Variants in LRBA observed in about 807,000 individuals in gnomAD.
LRBA encodes the protein lipopolysaccharide-responsive and beige-like anchor protein.
LRBA carries 176 observed loss-of-function variants against 330.0 expected under a neutral mutation model. That is an observed-to-expected ratio of 0.53 (90% CI 0.47 to 0.60). The LOEUF (loss-of-function observed/expected upper bound fraction) is 0.60. Ranked by LOEUF, LRBA falls within the 20% of genes least tolerant of loss-of-function variation. The pLI, the probability that LRBA is intolerant of heterozygous loss-of-function variation, is 0.00. For missense variants in LRBA, 3,259 were observed against 3,444.8 expected (o/e 0.95, Z 1.35); for synonymous variants, 1,230 against 1,193.0 (o/e 1.03, Z -0.64).
chr4:151,008,952 AGAG>A (rs1744445625), intron 2 of LRBA, among the ~76,000 whole-genome samples: 4 of 115,866 alleles, frequency 3.5e-5, no homozygotes, highest in African/African-American at 1.3e-4. Flanking sequence ...CCTGGGTGGC[AGAG>A]TGAGACTCCA....
In LRBA at chr4:150,590,843, G is replaced by T. The variant is rs1352123555; in HGVS notation, c.6063C>A (p.Ile2021=). 1 of 1,613,814 alleles carries T rather than the reference G, an allele frequency of 6.2e-7. No individual in the cohort carries two copies. Among genetic ancestry groups the T allele is most frequent in the South Asian group, 1.1e-5 (1 of 91,030 alleles). Residue 2021 remains isoleucine, a synonymous_variant, in exon 39 of 57, where the codon ATC becomes ATA. Coordinates refer to ENST00000651943, the MANE Select transcript of LRBA (RefSeq NM_001364905.1). ...TGATGGACTGTTTTCCTTTAGCAAG[G>T]ATATCTTCATCTGTGGCTGAAATGA... ...TAVEHATDED[I]LAKGKQSIRS...
intron 47 of LRBA, among the ~76,000 whole-genome samples, chr4:150,403,945 T>C (rs759561074): frequency 2.7e-4 from 41 of 152,182 alleles, no homozygotes; most frequent in Non-Finnish European, 2.1e-4. Context: ...GGTAGGAGAA[T>C]TGCTTGAACC....
intron 8 of LRBA, among the ~76,000 whole-genome samples, chr4:150,915,004 T>G (rs568987011): frequency 2.2e-4 from 33 of 152,204 alleles, no homozygotes; most frequent in South Asian, 8.3e-4. Flanking sequence ...CAAACCTAAG[T>G]CTGTCTGATT....
At chr4:150,870,633 T>G in intron 19 of LRBA, 27 bp from the exon 20 acceptor site, 2 of 1,059,962 alleles carry the variant, frequency 1.9e-6, no homozygotes, top group East Asian at 2.4e-5. Flanking sequence ...ATGGATTACA[T>G]TAGCAAATCA....
intron 33 of LRBA, among the ~76,000 whole-genome samples, chr4:150,805,852 A>G (rs1742713945): frequency 6.6e-6 from 1 of 152,148 alleles, no homozygotes; most frequent in Non-Finnish European, 1.5e-5. Context: ...CGTAAGCAGT[A>G]TAGAGTAAAA....
chr4:150,660,995 A>G (rs1267021526), intron 37 of LRBA, among the ~76,000 whole-genome samples: 1 of 116,272 alleles, frequency 8.6e-6, no homozygotes, highest in Non-Finnish European at 1.7e-5. Flanking sequence ...TTATCTGCTG[A>G]CCTTCCCTCC....
intron 26 of LRBA, among the ~76,000 whole-genome samples, chr4:150,846,236 AAATGGAG>A: frequency 6.6e-6 from 1 of 152,232 alleles, no homozygotes; most frequent in East Asian, 1.9e-4. Flanking sequence ...TAATGATTGA[AAATGGAG>A]ACTCAGGCCA....
At chr4:150,310,538 T>A (rs1008292484) in intron 51 of LRBA, 154 bp from the exon 52 acceptor site, 1 of 515,504 alleles carries the variant, frequency 1.9e-6, no homozygotes, top group Non-Finnish European at 3.4e-6. Flanking sequence ...ACATATCCAA[T>A]TGCTGGAAAA....
chr4:150,900,628 G>A (rs1434079062), intron 13 of LRBA, among the ~76,000 whole-genome samples: 1 of 151,836 alleles, frequency 6.6e-6, no homozygotes, highest in East Asian at 1.9e-4. Context: ...CAGAAAATCA[G>A]GAGCTAAAAT....
At chr4:150,853,581 C>T (rs1479885973) in intron 22 of LRBA, among the ~76,000 whole-genome samples, 1 of 152,074 alleles carries the variant, frequency 6.6e-6, no homozygotes, top group Non-Finnish European at 1.5e-5. Context: ...CCATTCATTC[C>T]ATTTATATCT....
chr4:150,852,144 G>C lies in LRBA; in HGVS notation c.3566C>G (p.Ala1189Gly), dbSNP rs1156452810. Residue 1189 changes from alanine to glycine, a missense_variant, in exon 23 of 57, where the codon GCT becomes GGT. Transcript: ENST00000651943. ...GGAAACAGTAGTTTCTGGTGACATA[G>C]CTGAAGACCCTGATGCTGTCATAGT... ...IQTMTASGSS[A>G]MSPETTVSQI... The C allele has an allele frequency of 6.2e-7, 1 of 1,614,030 alleles. No individual in the cohort carries two copies. The highest frequency in any genetic ancestry group is 1.7e-5 in the Admixed American group (1 of 60,026).
chr4:150,480,533 A>G (rs2152080340), intron 42 of LRBA, among the ~76,000 whole-genome samples: 1 of 152,232 alleles, frequency 6.6e-6, no homozygotes, highest in Admixed American at 6.5e-5. Context: ...TCATGTGTAT[A>G]TTAAATAATG....
chr4:150,580,272 C>T (rs1211977352), intron 40 of LRBA: 2 of 150,204 alleles, frequency 1.3e-5, no homozygotes, highest in African/African-American at 2.4e-5. Context: ...GGAAGACAAA[C>T]CCTAAGCAAC....
chr4:150,411,938 A>C (rs544484208), intron 47 of LRBA, among the ~76,000 whole-genome samples: 1 of 152,324 alleles, frequency 6.6e-6, no homozygotes, highest in African/African-American at 2.4e-5. Context: ...TAACCAATAC[A>C]TAAGATACAA....
chr4:150,894,825 ATATATAGATCAC>A (rs1351624325), intron 16 of LRBA, among the ~76,000 whole-genome samples: 1 of 152,214 alleles, frequency 6.6e-6, no homozygotes, highest in Non-Finnish European at 1.5e-5. Context: ...ACAAAATCAC[ATATATAGATCAC>A]TATGAAATTC....
intron 2 of LRBA, among the ~76,000 whole-genome samples, chr4:150,978,361 G>A (rs1438255381): frequency 6.6e-6 from 1 of 152,230 alleles, no homozygotes; most frequent in Non-Finnish European, 1.5e-5. Context: ...CCCTAATCCA[G>A]ATACAGCTTA....
chr4:150,373,162 T>TGAGAGA (rs1385413027), intron 47 of LRBA, among the ~76,000 whole-genome samples: 20 of 145,088 alleles, frequency 1.4e-4, no homozygotes, highest in African/African-American at 5.2e-4. Context: ...TGTGTGTGTG[T>TGAGAGA]GTGTGTGTGT....
chr4:150,710,104 A>G (rs1364242684), intron 36 of LRBA, among the ~76,000 whole-genome samples: 1 of 152,142 alleles, frequency 6.6e-6, no homozygotes, highest in Non-Finnish European at 1.5e-5. Flanking sequence ...GAAAAATAAG[A>G]CAAGAGATTA....
At chr4:150,692,718 CAGG>C in intron 36 of LRBA, among the ~76,000 whole-genome samples, 1 of 152,160 alleles carries the variant, frequency 6.6e-6, no homozygotes, top group East Asian at 1.9e-4. Context: ...ATATAACAAG[CAGG>C]AGAATAGACT....
Sources: gnomAD v4.1 joint callset for allele counts (sites outside exome capture counted in the v4.1 genomes callset) on GRCh38, gnomAD v4.1.1 for gene constraint, MANE v1.5 for transcripts, NCBI Gene and HGNC (gene_info 2026-07-23, HGNC 2026-07-21) for gene names.